The following HS6ST2 variants were observed in gnomAD, a reference collection of about 807,000 sequenced individuals.
HS6ST2 encodes heparan sulfate 6-O-sulfotransferase 2, also known as heparan-sulfate 6-O-sulfotransferase 2.
Under a neutral mutation model 33.0 loss-of-function variants are expected in HS6ST2, and 17 were observed. The ratio of observed to expected loss-of-function variants is 0.52; its 90% CI spans 0.35 to 0.77. The LOEUF is 0.77. HS6ST2 is among the 30% of genes least tolerant of loss of function. The pLI is 0.01. For synonymous variants in HS6ST2, 248 were observed against 237.1 expected (o/e 1.05, Z -0.42); for missense variants, 519 against 551.7 (o/e 0.94, Z 0.59).
At chrX:132,865,320 T>C (rs1292440805) in intron 2 of HS6ST2, among the ~76,000 whole-genome samples, 2 of 111,217 alleles carry the variant, frequency 1.8e-5, no homozygotes, top group East Asian at 2.8e-4. Flanking sequence ...TCATTTTTTA[T>C]GGCTGCATAG....
At chrX:132,783,205 A>T (rs2065030129) in intron 2 of HS6ST2, among the ~76,000 whole-genome samples, 1 of 111,710 alleles carries the variant, frequency 9.0e-6, no homozygotes, top group South Asian at 3.8e-4. Context: ...TTGAAAATCA[A>T]ATCATTTGCT....
At position 132,958,553 on chromosome X, in the gene HS6ST2, G is replaced by A. The variant is rs946068297; in HGVS notation, c.50C>T (p.Pro17Leu). 20 of 1,182,460 alleles carry A rather than the reference G, an allele frequency of 1.7e-5. No individual in the cohort carries two copies. The highest frequency in any genetic ancestry group is 2.3e-5 in the Non-Finnish European group (20 of 880,953). Residue 17 changes from proline (P) to leucine (L), a missense_variant, in exon 1 of 5, where the codon CCG becomes CTG. Transcript: ENST00000370833. ...AVREFEPPRQ[P>L]ERGAPVRTTC... ...GGTGCGGACGGGCGCTCCTCGCTCC[G>A]GTTGCCGCGGCGGCTCGAACTCCCG... is the stretch of plus-strand genomic sequence containing the variant.
chrX:132,912,109 C>T (rs1395579319), intron 2 of HS6ST2, among the ~76,000 whole-genome samples: 1 of 112,714 alleles, frequency 8.9e-6, no homozygotes, highest in Non-Finnish European at 1.9e-5. Flanking sequence ...TGACCCATAT[C>T]TGTATGATCT....
At chrX:132,849,725 A>G (rs893188801) in intron 2 of HS6ST2, among the ~76,000 whole-genome samples, 1 of 112,124 alleles carries the variant, frequency 8.9e-6, no homozygotes, top group African/African-American at 3.2e-5. Context: ...AAGGTACATT[A>G]GCATCCATCA....
chrX:132,671,679 G>A (rs1277539137), intron 3 of HS6ST2, among the ~76,000 whole-genome samples: 1 of 109,748 alleles, frequency 9.1e-6, no homozygotes, highest in Non-Finnish European at 1.9e-5. Flanking sequence ...TAAAAGATAG[G>A]AATAAGGGCC....
chrX:132,687,809 C>T (rs986480014), intron 3 of HS6ST2, among the ~76,000 whole-genome samples: 3 of 110,438 alleles, frequency 2.7e-5, no homozygotes, highest in Admixed American at 1.9e-4. Context: ...AGTGCAATGG[C>T]GCAATCTCGG....
chrX:132,935,146 T>C (rs1230051802), intron 2 of HS6ST2, among the ~76,000 whole-genome samples: 3 of 111,026 alleles, frequency 2.7e-5, no homozygotes, highest in African/African-American at 6.5e-5. Context: ...AAACAGATAA[T>C]TCAATAATAA....
intron 2 of HS6ST2, among the ~76,000 whole-genome samples, chrX:132,772,183 T>G (rs1233876581): frequency 9.0e-6 from 1 of 111,290 alleles, no homozygotes; most frequent in Non-Finnish European, 1.9e-5. Flanking sequence ...TGTGTAAAAG[T>G]TGAACACACA....
At chrX:132,793,021 A>T (rs1239192417) in intron 2 of HS6ST2, among the ~76,000 whole-genome samples, 1 of 102,979 alleles carries the variant, frequency 9.7e-6, no homozygotes, top group Non-Finnish European at 2.0e-5. Context: ...GTTTCCCATG[A>T]CAAGTTGCAA....
chrX:132,672,502 C>T (rs899105382), intron 3 of HS6ST2, among the ~76,000 whole-genome samples: 5 of 111,694 alleles, frequency 4.5e-5, no homozygotes, highest in Non-Finnish European at 9.4e-5. Context: ...GCTTCCTCTA[C>T]CTCACCTGAG....
intron 2 of HS6ST2, among the ~76,000 whole-genome samples, chrX:132,806,923 T>G: frequency 9.1e-6 from 1 of 109,581 alleles, no homozygotes. Context: ...GCTAAGCTAA[T>G]GAAATGGGGT....
chrX:132,841,055 A>G (rs1359704966), intron 2 of HS6ST2, among the ~76,000 whole-genome samples: 2 of 112,087 alleles, frequency 1.8e-5, no homozygotes, highest in Non-Finnish European at 3.8e-5. Flanking sequence ...ATGAAATCAC[A>G]TGATCTCATA....
At chrX:132,682,638 C>CTT (rs530839541) in intron 3 of HS6ST2, among the ~76,000 whole-genome samples, 3 of 91,608 alleles carry the variant, frequency 3.3e-5, no homozygotes, top group Non-Finnish European at 2.2e-5. Context: ...ATGACGTTTA[C>CTT]TTTTTTTTTT....
At chrX:132,944,952 T>C (rs2053010062) in intron 2 of HS6ST2, among the ~76,000 whole-genome samples, 1 of 111,886 alleles carries the variant, frequency 8.9e-6, no homozygotes, top group African/African-American at 3.3e-5. Context: ...GGGCAAGGAC[T>C]TCATGTCTAA....
rs144433601 is a variant in HS6ST2 at position 132,665,508 on chromosome X, T to C, written c.1067+3605A>G. Among the ~76,000 whole-genome samples the C allele has an allele frequency of 5.8e-3, 648 of 111,828 alleles. 1 individual carries two copies. The highest frequency in any genetic ancestry group is 9.3e-3 in the Non-Finnish European group (492 of 53,151). On this transcript the variant is annotated intron_variant, in intron 4 of 4. Transcript: ENST00000370833. ...AAATGTTCCAATACCAAATGAACAT[T>C]ATAAAGGCTCTTGGTGGCTACTACA...
intron 2 of HS6ST2, among the ~76,000 whole-genome samples, chrX:132,843,023 G>A (rs1196378540): frequency 3.6e-5 from 4 of 111,782 alleles, no homozygotes; most frequent in African/African-American, 1.3e-4. Flanking sequence ...AGGCAGCCCC[G>A]AGTGGCAGTC....
At chrX:132,733,613 G>T (rs2064479186) in intron 2 of HS6ST2, among the ~76,000 whole-genome samples, 1 of 111,116 alleles carries the variant, frequency 9.0e-6, no homozygotes, top group African/African-American at 3.3e-5. Flanking sequence ...ACTTCAATTT[G>T]AATTCCTTAC....
chrX:132,849,820 A>G (rs1479741503), intron 2 of HS6ST2, among the ~76,000 whole-genome samples: 1 of 112,261 alleles, frequency 8.9e-6, no homozygotes. Context: ...AACCATCTAA[A>G]CATTATAAGA....
intron 4 of HS6ST2, among the ~76,000 whole-genome samples, chrX:132,637,461 T>C (rs187287050): frequency 9.1e-6 from 1 of 109,461 alleles, no homozygotes; most frequent in Admixed American, 1.0e-4. Flanking sequence ...CCAGGGAATG[T>C]TACTTGAGCA....
Sources: gnomAD v4.1 joint callset for allele counts (sites outside exome capture counted in the v4.1 genomes callset) on GRCh38, gnomAD v4.1.1 for gene constraint, MANE v1.5 for transcripts, NCBI Gene and HGNC (gene_info 2026-07-23, HGNC 2026-07-21) for gene names.